The following DPYSL3 variants were observed in gnomAD, a reference collection of about 807,000 sequenced individuals.
DPYSL3 encodes the protein dihydropyrimidinase like 3.
In DPYSL3, 16 loss-of-function variants were observed where a neutral mutation model predicts 66.1. That is an observed-to-expected ratio of 0.24 (90% CI 0.16 to 0.37). The LOEUF is 0.37. DPYSL3 is among the 10% of genes least tolerant of loss of function. The probability of loss-of-function intolerance (pLI) is 1.00; values close to 1 mark genes in which losing one functional copy is unlikely to be tolerated. For synonymous variants in DPYSL3, 338 were observed against 345.1 expected (o/e 0.98, Z 0.23); for missense variants, 738 against 916.2 (o/e 0.81, Z 2.51).
chr5:147,401,224 C>A (rs1481583766), intron 9 of DPYSL3, among the ~76,000 whole-genome samples: 2 of 152,152 alleles, frequency 1.3e-5, no homozygotes, highest in Non-Finnish European at 2.9e-5. Context: ...TATGTAAATG[C>A]TGATAAGAGT....
At chr5:147,497,906 C>T (rs1319185330) in intron 1 of DPYSL3, among the ~76,000 whole-genome samples, 2 of 151,822 alleles carry the variant, frequency 1.3e-5, no homozygotes, top group Non-Finnish European at 2.9e-5. Context: ...TTCTCTCTCT[C>T]TCTCTCTCTT....
At position 147,391,410 on chromosome 5, in the gene DPYSL3, CAGAG is replaced by C. The variant is rs1043828405; in HGVS notation, c.*2621_*2624del. The C allele has an allele frequency of 1.3e-5, 2 of 152,556 alleles. No homozygotes were observed. The highest frequency in any genetic ancestry group is 4.8e-5 in the African/African-American group (2 of 41,402). The allele number at this position is 152,556 out of a possible 1,614,324, so 9.5% of individuals were successfully genotyped here. On this transcript the variant is annotated 3_prime_UTR_variant, in exon 14 of 14. Transcript: ENST00000343218. Reference sequence around the variant, plus strand: ...TTCCACTACCCAAGCCCGTGGCCCTCAGAGAGAACCGGGATGGATTGCCATCTGG... The same window carrying C: ...TTCCACTACCCAAGCCCGTGGCCCTCAGAACCGGGATGGATTGCCATCTGG...
chr5:147,425,783 T>G (rs935438784), intron 1 of DPYSL3, among the ~76,000 whole-genome samples: 10 of 152,146 alleles, frequency 6.6e-5, no homozygotes, highest in African/African-American at 2.4e-4. Flanking sequence ...TATATATAAG[T>G]CAGGAGAGGG....
chr5:147,503,235 A>G (rs1333073808), intron 1 of DPYSL3, among the ~76,000 whole-genome samples: 1 of 152,184 alleles, frequency 6.6e-6, no homozygotes, highest in Non-Finnish European at 1.5e-5. Flanking sequence ...AAGGAAAACA[A>G]CCATAATTTA....
chr5:147,451,116 A>T (rs917508677), intron 1 of DPYSL3, among the ~76,000 whole-genome samples: 1 of 152,258 alleles, frequency 6.6e-6, no homozygotes, highest in Non-Finnish European at 1.5e-5. Context: ...ATTCTAAAAT[A>T]GATTCCTTGT....
rs368489625 is a variant in DPYSL3, at chr5:147,501,530, G to T, written c.381+7948C>A. Among the ~76,000 whole-genome samples the T allele has an allele frequency of 3.5e-4, 50 of 140,856 alleles. 1 individual carries two copies. The South Asian group carries it at 0.011, about 31-fold the overall frequency. The allele number at this position is 140,856 out of a possible 152,430, so 92.4% of individuals were successfully genotyped here. A position where few individuals can be genotyped will look rare whatever the true frequency, so the allele number is the denominator to read the frequency against. On this transcript the variant is annotated intron_variant, in intron 1 of 13. Coordinates refer to ENST00000343218, the MANE Select transcript of DPYSL3 (RefSeq NM_001197294.2). ...ACCAGAGTCTTGCTCTGTTGCCCAG[G>T]CTAGAGTATAGTGTCACGATCTGGG...
intron 1 of DPYSL3, among the ~76,000 whole-genome samples, chr5:147,503,582 A>G (rs1304598145): frequency 6.6e-6 from 1 of 152,232 alleles, no homozygotes; most frequent in Non-Finnish European, 1.5e-5. Context: ...ATGAGCCACA[A>G]TGCCCAGCCA....
At chr5:147,408,074 G>A (rs1272984225) in intron 7 of DPYSL3, among the ~76,000 whole-genome samples, 3 of 152,108 alleles carry the variant, frequency 2.0e-5, no homozygotes, top group Non-Finnish European at 4.4e-5. Context: ...AACAGGACTC[G>A]CTTCACTGAT....
rs552859480 is a variant in DPYSL3 at position 147,495,007 on chromosome 5, A to G, written c.381+14471T>C. Among the ~76,000 whole-genome samples the G allele has an allele frequency of 2.6e-4, 39 of 152,250 alleles. 1 individual carries two copies. In the South Asian group the frequency reaches 7.9e-3, roughly 31 times the overall value. On this transcript the variant is annotated intron_variant, in intron 1 of 13. Transcript: ENST00000343218. ...ATAATTTGCCAAAACTCCCACAAGA[A>G]GAAATTGAAAATTTGAATAGGTAAG...
chr5:147,417,855 A>C (rs568447812), intron 3 of DPYSL3, among the ~76,000 whole-genome samples: 3 of 152,320 alleles, frequency 2.0e-5, no homozygotes, highest in Admixed American at 2.0e-4. Context: ...ACTAAATGCA[A>C]GTGGAAGTCA....
At chr5:147,429,220 G>A (rs192201881) in intron 1 of DPYSL3, among the ~76,000 whole-genome samples, 48 of 152,246 alleles carry the variant, frequency 3.2e-4, no homozygotes, top group Non-Finnish European at 5.1e-4. Flanking sequence ...GAAGCAACCC[G>A]CCACTGACCT....
At chr5:147,429,371 C>T (rs370579002) in intron 1 of DPYSL3, among the ~76,000 whole-genome samples, 6 of 152,084 alleles carry the variant, frequency 3.9e-5, no homozygotes, top group Admixed American at 6.5e-5. Context: ...CACTTAACTA[C>T]GTGTGTGATC....
intron 1 of DPYSL3, among the ~76,000 whole-genome samples, chr5:147,478,035 A>C (rs184177091): frequency 6.6e-6 from 1 of 152,320 alleles, no homozygotes; most frequent in East Asian, 1.9e-4. Context: ...CTTGTATCTT[A>C]CATTTTGAGC....
chr5:147,478,156 T>C (rs991551707), intron 1 of DPYSL3, among the ~76,000 whole-genome samples: 1 of 152,224 alleles, frequency 6.6e-6, no homozygotes. Flanking sequence ...ACATTCCCTT[T>C]GTATTCATTG....
At chr5:147,428,495 G>A (rs1271013650) in intron 1 of DPYSL3, among the ~76,000 whole-genome samples, 4 of 151,880 alleles carry the variant, frequency 2.6e-5, no homozygotes, top group Non-Finnish European at 5.9e-5. Flanking sequence ...GTGAGCGTGG[G>A]GTATGACATA....
chr5:147,480,147 GA>G (rs1483182201), intron 1 of DPYSL3, among the ~76,000 whole-genome samples: 1 of 152,158 alleles, frequency 6.6e-6, no homozygotes, highest in Non-Finnish European at 1.5e-5. Context: ...AATAAAAGGC[GA>G]AAGAAAGGAC....
chr5:147,400,774 A>G lies in DPYSL3; in HGVS notation c.1370T>C (p.Ile457Thr), dbSNP rs771625097. The G allele has an allele frequency of 8.7e-6, 14 of 1,614,182 alleles. No homozygotes were observed. The highest frequency in any genetic ancestry group is 2.2e-5 in the East Asian group (1 of 44,880). The change falls in exon 10 of 14, where the codon ATT becomes ACT. Residue 457 changes from isoleucine to threonine, a missense_variant. Ile to Thr is a moderately conservative substitution (Grantham distance 89, BLOSUM62 -1). Transcript: ENST00000343218. Reference protein sequence around the residue: ...HCTFSTAQKAIGKDNFTAIPE... With the variant: ...HCTFSTAQKATGKDNFTAIPE... ...AATGGCTGTGAAGTTGTCCTTCCCA[A>G]TTGCTTTCTGGGCAGTGCTGAAGGT...
At chr5:147,472,277 C>T (rs1753097592) in intron 1 of DPYSL3, among the ~76,000 whole-genome samples, 1 of 152,154 alleles carries the variant, frequency 6.6e-6, no homozygotes. Context: ...TTGTTCATAA[C>T]ATCAGAAAGA....
rs767405700 is a variant in DPYSL3, at chr5:147,397,708, C to T, written c.1761G>A (p.Pro587=). The change falls in exon 12 of 14, where the codon CCG becomes CCA. Residue 587 remains proline, a synonymous_variant. Transcript: ENST00000343218. ...QGAGRFIPCS[P]FSDYVYKRIK... Reference sequence around the variant, plus strand: ...TGCGCTTGTAGACATAGTCGGAGAACGGGCTGCAGGGTATGAAGCGGCCAG... The same window carrying T: ...TGCGCTTGTAGACATAGTCGGAGAATGGGCTGCAGGGTATGAAGCGGCCAG... The T allele has an allele frequency of 9.9e-6, 16 of 1,614,004 alleles. No individual in the cohort carries two copies. The highest frequency in any genetic ancestry group is 5.0e-5 in the Admixed American group (3 of 59,996).
Sources: allele counts gnomAD v4.1 joint callset (sites outside exome capture counted in the v4.1 genomes callset), GRCh38; gene constraint gnomAD v4.1.1; transcripts MANE v1.5; gene names NCBI Gene and HGNC (gene_info 2026-07-23, HGNC 2026-07-21).